ITIH2: variants seen among roughly 807,000 people sequenced by gnomAD.
The protein encoded by ITIH2 is inter-alpha-trypsin inhibitor heavy chain H2.
A neutral mutation model predicts 104.4 loss-of-function variants in ITIH2; 103 were observed. The observed-to-expected ratio is 0.99, with a 90% CI of 0.84 to 1.16. ITIH2 has a LOEUF of 1.16. Ranked by LOEUF, ITIH2 falls within the 50% of genes most tolerant of loss-of-function variation. The pLI is 0.00. For synonymous variants in ITIH2, 436 were observed against 435.4 expected (o/e 1.00, Z -0.02); for missense variants, 1,108 against 1,162.4 (o/e 0.95, Z 0.68).
Position 7,723,435 on chromosome 10 carries a change from A to G in ITIH2, c.868-16A>G, listed in dbSNP as rs1834925070. 5.4e-6 allele frequency: 8 copies of G among 1,484,972 alleles called. No homozygotes were observed. The highest frequency in any genetic ancestry group is 7.5e-6 in the Non-Finnish European group (8 of 1,062,690). The allele number at this position is 1,484,972 out of a possible 1,614,324, so 92.0% of individuals were successfully genotyped here. A position where few individuals can be genotyped will look rare whatever the true frequency, so the allele number is the denominator to read the frequency against. ...ACGAATCATGATTTGACTCACAAAT[A>G]CCTTCTATTTTTCAGGTGTTTAATG... On this transcript the variant is annotated splice_polypyrimidine_tract_variant and intron_variant, in intron 8 of 20. Transcript: ENST00000358415.
In ITIH2 at chr10:7,749,446, T is replaced by G. The variant is rs1835216605; in HGVS notation, c.*112T>G. ...ATGAACCAGATATCAGGGTGGTTAA[T>G]TAAAATGAACCAGATATCAGGGTGG... is the stretch of plus-strand genomic sequence containing the variant. On this transcript the variant is annotated 3_prime_UTR_variant, in exon 21 of 21. Transcript: ENST00000358415. The G allele has an allele frequency of 2.2e-6, 2 of 905,710 alleles. No homozygotes were observed. Among genetic ancestry groups the G allele is most frequent in the Admixed American group, 2.6e-5 (1 of 38,498 alleles). 56.1% of individuals were successfully genotyped at this position (905,710 alleles called of 1,614,324 possible).
In ITIH2 at chr10:7,727,782, C is replaced by A; in HGVS notation, c.1233C>A (p.Asn411Lys). 6.2e-7 allele frequency: 1 copy of A among 1,614,178 alleles called. No homozygotes were observed. Residue 411 changes from asparagine to lysine, a missense_variant, in exon 11 of 21, where the codon AAC becomes AAA. Physicochemically the swap from Asn to Lys is moderately conservative, Grantham distance 94 (BLOSUM62 0). Coordinates refer to ENST00000358415, the MANE Select transcript of ITIH2 (RefSeq NM_002216.3). ...EANNLGLLDP[N>K]SVSLIILVSD... ...ATAACTTGGGACTGTTAGACCCCAACTCCGTCTCGCTGATCATTTTGGTTT... is the reference window on the plus strand; with the variant it reads ...ATAACTTGGGACTGTTAGACCCCAAATCCGTCTCGCTGATCATTTTGGTTT...
chr10:7,740,377 G>T (rs1337681804), intron 16 of ITIH2, among the ~76,000 whole-genome samples: 1 of 152,180 alleles, frequency 6.6e-6, no homozygotes, highest in Non-Finnish European at 1.5e-5. Context: ...CCATGCAGAA[G>T]TCTCAGTTAA....
In ITIH2 at chr10:7,721,635, A is replaced by G. The variant is rs753232663; in HGVS notation, c.739-14A>G. ...GGCTAGAGGCAGAGGCTCTGATGTCACCGTTCTTTCTAGGCGCACGTCTCC... is the reference window on the plus strand; with the variant it reads ...GGCTAGAGGCAGAGGCTCTGATGTCGCCGTTCTTTCTAGGCGCACGTCTCC... On this transcript the variant is annotated splice_polypyrimidine_tract_variant and intron_variant, in intron 7 of 20. Transcript: ENST00000358415. The G allele has an allele frequency of 6.2e-7, 1 of 1,611,944 alleles. No homozygotes were observed. The highest frequency in any genetic ancestry group is 1.1e-5 in the South Asian group (1 of 90,826).
chr10:7,746,568 T>C, intron 19 of ITIH2, 25 bp from the exon 20 acceptor site: 1 of 1,444,736 alleles, frequency 6.9e-7, no homozygotes, highest in African/African-American at 1.4e-5. Context: ...TACATGTCAA[T>C]CAATGTCTGA....
intron 15 of ITIH2, among the ~76,000 whole-genome samples, chr10:7,738,293 T>TAAA: frequency 3.3e-5 from 4 of 120,870 alleles, no homozygotes; most frequent in South Asian, 2.4e-4. Context: ...TTATATTCTA[T>TAAA]ATAATATTAT....
At chr10:7,723,147 G>GAGTGA (rs1449302032) in intron 8 of ITIH2, among the ~76,000 whole-genome samples, 2 of 20,768 alleles carry the variant, frequency 9.6e-5, no homozygotes, top group African/African-American at 3.5e-4. Flanking sequence ...GCGTGGAGTG[G>GAGTGA]CGTGGCGTGG....
chr10:7,749,291 A>T lies in ITIH2; in HGVS notation c.2798A>T (p.Asp933Val). The T allele has an allele frequency of 6.2e-7, 1 of 1,614,188 alleles. No individual in the cohort carries two copies. Among genetic ancestry groups the T allele is most frequent in the South Asian group, 1.1e-5 (1 of 91,092 alleles). Residue 933 changes from aspartate (D) to valine (V), a missense_variant, in exon 21 of 21, where the codon GAT (aspartate) becomes GTT (valine). Physicochemically the swap from Asp to Val is radical, Grantham distance 152. Coordinates refer to ENST00000358415, the MANE Select transcript of ITIH2 (RefSeq NM_002216.3). Reference protein sequence around the residue: ...GKGFIDGHYKDYFVPQLYSFL... With the variant: ...GKGFIDGHYKVYFVPQLYSFL... ...GGATTCATTGACGGGCATTACAAGGATTACTTCGTGCCTCAGCTCTACAGC... is the reference window on the plus strand; with the variant it reads ...GGATTCATTGACGGGCATTACAAGGTTTACTTCGTGCCTCAGCTCTACAGC...
At position 7,709,095 on chromosome 10, in the gene ITIH2, T is replaced by G. The variant is rs143197426; in HGVS notation, c.266T>G (p.Met89Arg). The G allele has an allele frequency of 1.7e-5, 28 of 1,614,148 alleles. No homozygotes were observed. The African/African-American group carries it at 3.6e-4, about 21-fold the overall frequency. The change falls in exon 4 of 21, where the codon ATG becomes AGG. Residue 89 changes from methionine (M) to arginine (R), a missense_variant. Physicochemically the swap from Met to Arg is moderately conservative, Grantham distance 91. Coordinates refer to ENST00000358415, the MANE Select transcript of ITIH2 (RefSeq NM_002216.3). Reference sequence around the variant, plus strand: ...ATTACTTCTCGGATGGCCACCACCATGATCCAGAGCAAAGTGGTGAACAAT... The same window carrying G: ...ATTACTTCTCGGATGGCCACCACCAGGATCCAGAGCAAAGTGGTGAACAAT... ...STITSRMATT[M>R]IQSKVVNNSP...
chr10:7,716,692 C>T (rs1043359159), intron 5 of ITIH2, among the ~76,000 whole-genome samples: 4 of 142,808 alleles, frequency 2.8e-5, no homozygotes, highest in Non-Finnish European at 4.5e-5. Flanking sequence ...GCTGAGATCA[C>T]ACCACTGCAC....
In ITIH2 at chr10:7,709,513, A is replaced by T. The variant is rs185896010; in HGVS notation, c.362+322A>T. ...GCCCTGGCTTATAGGAAACCACATA[A>T]GAGCGTGTGCACAGCAGGTCAATGC... On this transcript the variant is annotated intron_variant, in intron 4 of 20. Coordinates refer to ENST00000358415, the MANE Select transcript of ITIH2 (RefSeq NM_002216.3). 5.3e-4 allele frequency among the ~76,000 whole-genome samples: 80 copies of T among 152,288 alleles called. No individual in the cohort carries two copies. The East Asian group carries it at 0.01, about 19-fold the overall frequency.
At chr10:7,730,219 A>C in intron 12 of ITIH2, 86 bp downstream of exon 12, 2 of 1,009,804 alleles carry the variant, frequency 2.0e-6, no homozygotes, top group Non-Finnish European at 2.9e-6. Context: ...GCATAACTGA[A>C]CTTAACTCAA....
At position 7,744,572 on chromosome 10, in the gene ITIH2, C is replaced by T. The variant is rs149642814; in HGVS notation, c.2409-219C>T. Among the ~76,000 whole-genome samples, 43 of 152,314 alleles carry T rather than the reference C, an allele frequency of 2.8e-4. 1 individual carries two copies. Among genetic ancestry groups the T allele is most frequent in the African/African-American group, 7.9e-4 (33 of 41,578 alleles). The stretch of plus-strand genomic sequence containing the variant: ...CAGCTGAAATCCATACTGACTCTAT[C>T]GCAGAGTGAGCTCCAAACGCCATGA... On this transcript the variant is annotated intron_variant, in intron 18 of 20. Transcript: ENST00000358415.
At chr10:7,708,045 A>C (rs1834763697) in intron 3 of ITIH2, among the ~76,000 whole-genome samples, 1 of 152,260 alleles carries the variant, frequency 6.6e-6, no homozygotes, top group Non-Finnish European at 1.5e-5. Context: ...GAATTGGCAG[A>C]AACTGCCAGA....
intron 8 of ITIH2, among the ~76,000 whole-genome samples, chr10:7,722,226 C>A (rs1834911156): frequency 6.6e-6 from 1 of 152,096 alleles, no homozygotes. Flanking sequence ...CAGTCATGTC[C>A]CAGACGTGTG....
At chr10:7,714,165 A>ATCTTTTTTT (rs1834824127) in intron 5 of ITIH2, among the ~76,000 whole-genome samples, 1 of 84,044 alleles carries the variant, frequency 1.2e-5, no homozygotes. Context: ...CACACTCACT[A>ATCTTTTTTT]TTTTTTTTTT....
intron 5 of ITIH2, among the ~76,000 whole-genome samples, chr10:7,715,177 C>T (rs948886034): frequency 6.6e-6 from 1 of 152,116 alleles, no homozygotes; most frequent in African/African-American, 2.4e-5. Flanking sequence ...AATCCCAGCA[C>T]TTTAGGAGGT....
rs549756955 is a variant in ITIH2 at position 7,729,084 on chromosome 10, T to G, written c.1280-868T>G. Among the ~76,000 whole-genome samples, 316 of 152,196 alleles carry G rather than the reference T, an allele frequency of 2.1e-3. 2 individuals carry two copies. Among genetic ancestry groups the G allele is most frequent in the Middle Eastern group, 3.4e-3 (1 of 294 alleles). On this transcript the variant is annotated intron_variant, in intron 11 of 20. Coordinates refer to ENST00000358415, the MANE Select transcript of ITIH2 (RefSeq NM_002216.3). ...ATCCCAGCACTTTGGGAGGCTGAGGTGGGTGGATCACCTGAGGTCAGGAAT... is the reference window on the plus strand; with the variant it reads ...ATCCCAGCACTTTGGGAGGCTGAGGGGGGTGGATCACCTGAGGTCAGGAAT...
intron 14 of ITIH2, 83 bp from the exon 15 acceptor site, chr10:7,734,839 G>C: frequency 8.2e-7 from 1 of 1,223,226 alleles, no homozygotes; most frequent in Non-Finnish European, 1.2e-6. Context: ...CCCAGCAGTG[G>C]TGGGGTGCAG....
Sources: gnomAD v4.1 joint callset for allele counts (sites outside exome capture counted in the v4.1 genomes callset) on GRCh38, gnomAD v4.1.1 for gene constraint, MANE v1.5 for transcripts, NCBI Gene and HGNC (gene_info 2026-07-23, HGNC 2026-07-21) for gene names.